The following CCDC14 variants were observed in gnomAD, a reference collection of about 807,000 sequenced individuals.
The protein encoded by CCDC14 is coiled-coil domain-containing protein 14.
Under a neutral mutation model 81.4 loss-of-function variants are expected in CCDC14, and 71 were observed. The ratio of observed to expected loss-of-function variants is 0.87; its 90% CI spans 0.72 to 1.06. The LOEUF (loss-of-function observed/expected upper bound fraction) is 1.06, where lower values mean the gene tolerates loss of function less well. Ranked by LOEUF, CCDC14 falls within the 50% of genes least tolerant of loss-of-function variation. The probability of loss-of-function intolerance (pLI) is 0.00; values close to 1 mark genes in which losing one functional copy is unlikely to be tolerated. For missense variants in CCDC14, 1,046 were observed against 1,047.3 expected (o/e 1.00, Z 0.02); for synonymous variants, 332 against 364.8 (o/e 0.91, Z 1.03).
intron 9 of CCDC14, among the ~76,000 whole-genome samples, chr3:123,935,115 T>C (rs1165758647): frequency 6.6e-6 from 1 of 151,894 alleles, no homozygotes; most frequent in Non-Finnish European, 1.5e-5. Context: ...TAGTAAAAAG[T>C]GACAAAGGAT....
intron 12 of CCDC14, among the ~76,000 whole-genome samples, chr3:123,924,748 A>C (rs1442069813): frequency 6.6e-6 from 1 of 152,148 alleles, no homozygotes; most frequent in Non-Finnish European, 1.5e-5. Flanking sequence ...AAAAGATGAA[A>C]GCTAACAAGT....
downstream of CCDC14, among the ~76,000 whole-genome samples, chr3:123,893,996 C>T (rs991100533): frequency 1.3e-5 from 2 of 152,082 alleles, no homozygotes; most frequent in Non-Finnish European, 2.9e-5. Context: ...CTGTAGGTTG[C>T]TTTGTTGTCT....
At chr3:123,899,493 C>T (rs943368318) in intron 5 of CCDC14, among the ~76,000 whole-genome samples, 12 of 152,350 alleles carry the variant, frequency 7.9e-5, no homozygotes, top group African/African-American at 2.9e-4. Context: ...AGCCTCCTGG[C>T]TCCCAGGTTA....
At chr3:123,959,910 G>A (rs2037571967) in intron 1 of CCDC14, among the ~76,000 whole-genome samples, 1 of 151,952 alleles carries the variant, frequency 6.6e-6, no homozygotes, top group South Asian at 2.1e-4. Context: ...TTCAGTGGAA[G>A]TAATATAATA....
At chr3:123,904,646 T>A (rs1005896144) in intron 5 of CCDC14, among the ~76,000 whole-genome samples, 2 of 149,992 alleles carry the variant, frequency 1.3e-5, no homozygotes, top group African/African-American at 4.9e-5. Context: ...CCCTGGGATG[T>A]GCAACTGTAA....
chr3:123,891,170 C>T, the CCDC14 span, among the ~76,000 whole-genome samples: 1 of 152,160 alleles, frequency 6.6e-6, no homozygotes, highest in African/African-American at 2.4e-5. Flanking sequence ...TGGGCCTGGT[C>T]CATGAAACCA....
At chr3:123,943,312 G>A (rs2036458040) in intron 9 of CCDC14, among the ~76,000 whole-genome samples, 1 of 152,046 alleles carries the variant, frequency 6.6e-6, no homozygotes, top group South Asian at 2.1e-4. Context: ...TGATAAAGGT[G>A]AAAGACAGTC....
downstream of CCDC14, among the ~76,000 whole-genome samples, chr3:123,908,706 T>C (rs2034377612): frequency 6.6e-6 from 1 of 152,206 alleles, no homozygotes; most frequent in Non-Finnish European, 1.5e-5. Flanking sequence ...TTTTAAAATC[T>C]GACCAGACAG....
chr3:123,905,272 T>C lies in CCDC14; in HGVS notation c.668-7659A>G, dbSNP rs146058824. ...GTATATAGGAAATGTCAGCCTAAAA[T>C]AGAAGGTGGCCAGGCAGAAGGTGGG... On this transcript the variant is annotated intron_variant, in intron 5 of 5. Transcript: ENST00000479903. 3.9e-5 allele frequency among the ~76,000 whole-genome samples: 6 copies of C among 152,280 alleles called. No individual in the cohort carries two copies. The East Asian group carries it at 1.2e-3, about 29-fold the overall frequency.
chr3:123,956,379 G>A lies in CCDC14; in HGVS notation c.135C>T (p.Ser45=). The A allele has an allele frequency of 6.5e-7, 1 of 1,547,058 alleles. No individual in the cohort carries two copies. The highest frequency in any genetic ancestry group is 8.7e-7 in the Non-Finnish European group (1 of 1,144,500). The change falls in exon 3 of 13, where the codon TCC becomes TCT. Residue 45 remains serine, a synonymous_variant. Coordinates refer to ENST00000409697, the MANE Select transcript of CCDC14 (RefSeq NM_001366335.1). ...CCTGACTTTCTGAATCAGAATGGAT[G>A]GAATAGCCAGAATCTGCATTAAAAC... is the stretch of plus-strand genomic sequence containing the variant. ...IPRFNADSGY[S]IHSDSESQAE...
chr3:123,933,613 C>A lies in CCDC14; in HGVS notation c.1426+60G>T, dbSNP rs1173176326. The A allele has an allele frequency of 2.5e-6, 3 of 1,187,600 alleles. No homozygotes were observed. The African/African-American group carries it at 4.6e-5, about 18-fold the overall frequency. 73.6% of individuals were successfully genotyped at this position (1,187,600 alleles called of 1,614,324 possible). A position where few individuals can be genotyped will look rare whatever the true frequency, so the allele number is the denominator to read the frequency against. ...TCAAAGTAATTACAAAAGCTCAATT[C>A]TTTATCAACATTTCCGGAGCCACAA... On this transcript the variant is annotated intron_variant, in intron 10 of 12. Coordinates refer to ENST00000409697, the MANE Select transcript of CCDC14 (RefSeq NM_001366335.1).
chr3:123,896,766 A>G (rs2034071592), downstream of CCDC14, among the ~76,000 whole-genome samples: 1 of 152,204 alleles, frequency 6.6e-6, no homozygotes, highest in Admixed American at 6.5e-5. Context: ...TCCCATAAGT[A>G]TTCACTGTAC....
intron 12 of CCDC14, among the ~76,000 whole-genome samples, chr3:123,930,058 C>G (rs2035607582): frequency 6.6e-6 from 1 of 152,140 alleles, no homozygotes; most frequent in South Asian, 2.1e-4. Flanking sequence ...AGAACCTAAT[C>G]AATTATAATT....
the CCDC14 span, among the ~76,000 whole-genome samples, chr3:123,887,552 A>T: frequency 6.6e-6 from 1 of 152,134 alleles, no homozygotes; most frequent in Admixed American, 6.5e-5. Flanking sequence ...GGGGCTGGGA[A>T]GTCCAAGATC....
chr3:123,936,082 A>G (rs932753224), intron 9 of CCDC14, among the ~76,000 whole-genome samples: 2 of 152,040 alleles, frequency 1.3e-5, no homozygotes, highest in Non-Finnish European at 2.9e-5. Flanking sequence ...TTGCCAGTTC[A>G]TGTGCCTAAG....
chr3:123,901,198 C>T lies in CCDC14; in HGVS notation c.668-3585G>A, dbSNP rs370848912. Among the ~76,000 whole-genome samples, 93 of 151,528 alleles carry T rather than the reference C, an allele frequency of 6.1e-4. 2 individuals carry two copies. The South Asian group carries it at 0.011, about 18-fold the overall frequency. On this transcript the variant is annotated intron_variant, in intron 5 of 5. Transcript: ENST00000479903. ...GGTGAGCTGAGATCATGCCATTGCA[C>T]TCCAACCTGGGCAACAAGAGAGAAG...
In CCDC14 at chr3:123,913,493, T is replaced by G; in HGVS notation, c.*1286A>C. On this transcript the variant is annotated 3_prime_UTR_variant, in exon 13 of 13. Coordinates refer to ENST00000409697, the MANE Select transcript of CCDC14 (RefSeq NM_001366335.1). ...AGAGTTGTGGCCTATTACCTCCAAA[T>G]AAGATGCCAATAAATTAATTCATGA... 2.0e-6 allele frequency: 2 copies of G among 981,292 alleles called. No homozygotes were observed. The highest frequency in any genetic ancestry group is 6.2e-5 in the Admixed American group (1 of 16,258). The allele number at this position is 981,292 out of a possible 1,614,324, so 60.8% of individuals were successfully genotyped here. A position where few individuals can be genotyped will look rare whatever the true frequency, so the allele number is the denominator to read the frequency against.
downstream of CCDC14, among the ~76,000 whole-genome samples, chr3:123,892,633 A>G (rs2034005787): frequency 6.6e-6 from 1 of 152,128 alleles, no homozygotes; most frequent in East Asian, 1.9e-4. Flanking sequence ...CAAGAACAGC[A>G]CAGGGGAAAT....
intron 10 of CCDC14, 39 bp from the exon 11 acceptor site, chr3:123,931,565 C>G: frequency 9.0e-7 from 1 of 1,115,202 alleles, no homozygotes; most frequent in Non-Finnish European, 1.2e-6. Flanking sequence ...GTTTCCCAAA[C>G]CTAAAAAGTA....
Sources: gnomAD v4.1 joint callset for allele counts (sites outside exome capture counted in the v4.1 genomes callset) on GRCh38, gnomAD v4.1.1 for gene constraint, MANE v1.5 for transcripts, NCBI Gene and HGNC (gene_info 2026-07-23, HGNC 2026-07-21) for gene names.